Variants in ARID1B observed in about 807,000 individuals in gnomAD.
The protein encoded by ARID1B is AT-rich interaction domain 1B, also known as AT-rich interactive domain-containing protein 1B.
ARID1B carries 30 observed loss-of-function variants against 212.3 expected under a neutral mutation model. That is an observed-to-expected ratio of 0.14 (90% CI 0.11 to 0.19). ARID1B has a LOEUF of 0.19. Ranked by LOEUF, ARID1B falls within the 10% of genes least tolerant of loss-of-function variation. The probability of loss-of-function intolerance (pLI) is 1.00; values close to 1 mark genes in which losing one functional copy is unlikely to be tolerated. For missense variants in ARID1B, 2,891 were observed against 3,204.0 expected (o/e 0.90, Z 2.36); for synonymous variants, 1,402 against 1,301.7 (o/e 1.08, Z -1.66).
intron 1 of ARID1B, among the ~76,000 whole-genome samples, chr6:156,790,405 T>A (rs1028715548): frequency 1.3e-5 from 2 of 152,214 alleles, no homozygotes; most frequent in African/African-American, 4.8e-5. Context: ...AGATAGTTTG[T>A]GGGGTGTTTA....
At chr6:156,983,622 T>A (rs1777750750) in intron 4 of ARID1B, among the ~76,000 whole-genome samples, 1 of 152,134 alleles carries the variant, frequency 6.6e-6, no homozygotes, top group Non-Finnish European at 1.5e-5. Context: ...CTAAGCCTGG[T>A]TGCTGACATT....
chr6:156,794,218 T>C (rs1464042035), intron 1 of ARID1B, among the ~76,000 whole-genome samples: 3 of 152,212 alleles, frequency 2.0e-5, no homozygotes, highest in African/African-American at 2.4e-5. Flanking sequence ...TTTTTTGTTA[T>C]TGCTAAGACA....
At chr6:157,103,500 G>A (rs896465815) in intron 5 of ARID1B, among the ~76,000 whole-genome samples, 12 of 152,116 alleles carry the variant, frequency 7.9e-5, no homozygotes, top group Admixed American at 5.9e-4. Context: ...AGTATGCTGA[G>A]CTATAATATA....
At chr6:156,940,923 A>G (rs1376592293) in intron 4 of ARID1B, 1 of 152,226 alleles carries the variant, frequency 6.6e-6, no homozygotes, top group Admixed American at 6.5e-5. Context: ...GTTAAAATCT[A>G]CCAGGTAAGA....
chr6:156,884,262 A>T (rs1019662261), intron 2 of ARID1B, among the ~76,000 whole-genome samples: 4 of 151,916 alleles, frequency 2.6e-5, no homozygotes, highest in African/African-American at 9.7e-5. Context: ...ATTAACTTTC[A>T]GTATTTTTTA....
At chr6:157,127,546 C>T (rs945788410) in intron 6 of ARID1B, among the ~76,000 whole-genome samples, 7 of 150,920 alleles carry the variant, frequency 4.6e-5, no homozygotes, top group Admixed American at 6.6e-5. Flanking sequence ...CCGAGGTGGG[C>T]GGATCACAAG....
intron 2 of ARID1B, among the ~76,000 whole-genome samples, chr6:156,834,550 A>G (rs981502528): frequency 2.0e-5 from 3 of 152,248 alleles, no homozygotes; most frequent in Non-Finnish European, 4.4e-5. Context: ...TATGTTAAAC[A>G]TATTTGTAGA....
intron 4 of ARID1B, among the ~76,000 whole-genome samples, chr6:157,043,718 T>C (rs1252099568): frequency 6.6e-6 from 1 of 152,236 alleles, no homozygotes. Context: ...ATTCTCCTGT[T>C]ATCTGGGCTA....
intron 4 of ARID1B, among the ~76,000 whole-genome samples, chr6:156,973,574 C>T (rs1410563247): frequency 6.6e-6 from 1 of 152,160 alleles, no homozygotes. Flanking sequence ...AGTTTTTAAG[C>T]ATCACAGAAT....
intron 5 of ARID1B, among the ~76,000 whole-genome samples, chr6:157,093,045 G>A (rs1288110979): frequency 1.3e-5 from 2 of 152,198 alleles, no homozygotes; most frequent in Non-Finnish European, 2.9e-5. Context: ...TGCTGCCTCT[G>A]TGGAAATGCT....
chr6:156,856,329 A>G (rs2128118176), intron 2 of ARID1B, among the ~76,000 whole-genome samples: 1 of 152,348 alleles, frequency 6.6e-6, no homozygotes, highest in Non-Finnish European at 1.5e-5. Flanking sequence ...GCATTGAATG[A>G]TAACAACATA....
At chr6:156,829,203 C>A (rs372009639) in intron 1 of ARID1B, 24 bp from the exon 2 acceptor site, 5 of 1,571,304 alleles carry the variant, frequency 3.2e-6, no homozygotes, top group Non-Finnish European at 3.5e-6. Flanking sequence ...AATTAATAAA[C>A]CGACTTCTTT....
intron 4 of ARID1B, among the ~76,000 whole-genome samples, chr6:157,076,817 G>A (rs779787191): frequency 6.6e-6 from 1 of 152,102 alleles, no homozygotes; most frequent in Admixed American, 6.5e-5. Context: ...TTCCTACCTG[G>A]CAATGATGTT....
chr6:157,114,624 T>A (rs1787199267), intron 6 of ARID1B, among the ~76,000 whole-genome samples: 1 of 144,768 alleles, frequency 6.9e-6, no homozygotes, highest in African/African-American at 2.6e-5. Flanking sequence ...AGTGCTGAAA[T>A]AACCACATTG....
chr6:157,133,080 A>G lies in ARID1B; in HGVS notation c.2634A>G (p.Gln878=). ...RNPQMAQYGP[Q]QTGPSMSPHP... ...CTCAGATGGCTCAGTATGGACCTCAACAGACAGGACCATCCATGTCGCCTC... is the reference window on the plus strand; with the variant it reads ...CTCAGATGGCTCAGTATGGACCTCAGCAGACAGGACCATCCATGTCGCCTC... The change falls in exon 7 of 20, where the codon CAA becomes CAG. Residue 878 remains glutamine (Q), a synonymous_variant. Transcript: ENST00000636930. 1 of 1,614,138 alleles carries G rather than the reference A, an allele frequency of 6.2e-7. No homozygotes were observed. Among genetic ancestry groups the G allele is most frequent in the South Asian group, 1.1e-5 (1 of 91,064 alleles).
chr6:157,126,029 G>A (rs923285167), intron 6 of ARID1B, among the ~76,000 whole-genome samples: 12 of 152,212 alleles, frequency 7.9e-5, no homozygotes, highest in Non-Finnish European at 1.3e-4. Flanking sequence ...CCACAGTTCC[G>A]AGAATGTTAG....
intron 3 of ARID1B, among the ~76,000 whole-genome samples, chr6:156,918,285 A>G (rs1790516599): frequency 6.6e-6 from 1 of 152,316 alleles, no homozygotes; most frequent in South Asian, 2.1e-4. Flanking sequence ...TCTGTTTCTT[A>G]TATAGAAATA....
chr6:156,796,114 T>C (rs1175662586), intron 1 of ARID1B, among the ~76,000 whole-genome samples: 1 of 152,204 alleles, frequency 6.6e-6, no homozygotes, highest in Non-Finnish European at 1.5e-5. Context: ...TGTTTCCAAG[T>C]GGCATACCCC....
chr6:156,808,096 C>T (rs1210762904), intron 1 of ARID1B, among the ~76,000 whole-genome samples: 1 of 152,096 alleles, frequency 6.6e-6, no homozygotes, highest in Non-Finnish European at 1.5e-5. Context: ...CTATTGTATC[C>T]CAAAGCAGAA....
Sources: allele counts gnomAD v4.1 joint callset (sites outside exome capture counted in the v4.1 genomes callset), GRCh38; gene constraint gnomAD v4.1.1; transcripts MANE v1.5; gene names NCBI Gene and HGNC (gene_info 2026-07-23, HGNC 2026-07-21).